PGAM5: variants seen among roughly 807,000 people sequenced by gnomAD.
The protein encoded by PGAM5 is PGAM family member 5, mitochondrial serine/threonine protein phosphatase.
Under a neutral mutation model 30.6 loss-of-function variants are expected in PGAM5, and 25 were observed. That is an observed-to-expected ratio of 0.82 (90% CI 0.60 to 1.14). The LOEUF is 1.14. Among genes scored for constraint, PGAM5 ranks in the 50% most tolerant of loss-of-function variants. PGAM5 has a pLI of 0.00. For missense variants in PGAM5, 384 were observed against 408.5 expected (o/e 0.94, Z 0.52); for synonymous variants, 201 against 179.1 (o/e 1.12, Z -0.98).
chr12:132,714,537 C>T (rs1375420323), intron 1 of PGAM5, among the ~76,000 whole-genome samples: 3 of 152,192 alleles, frequency 2.0e-5, no homozygotes, highest in Non-Finnish European at 2.9e-5. Flanking sequence ...CCTAGCCTGG[C>T]GTTCTCCGTA....
At chr12:132,714,807 T>C (rs767197783) in intron 1 of PGAM5, 51 bp from the exon 2 acceptor site, 15 of 1,584,708 alleles carry the variant, frequency 9.5e-6, no homozygotes, top group Non-Finnish European at 1.3e-5. Context: ...TCAGAAAAAC[T>C]CAAACTTGGG....
intron 4 of PGAM5, 77 bp from the exon 5 acceptor site, chr12:132,717,910 C>T (rs529985907): frequency 4.1e-5 from 66 of 1,599,366 alleles, no homozygotes; most frequent in Non-Finnish European, 5.0e-5. Context: ...CTTCCCCGGG[C>T]GGCGATGGGG....
At chr12:132,716,032 G>A (rs1441161774) in intron 2 of PGAM5, among the ~76,000 whole-genome samples, 2 of 152,106 alleles carry the variant, frequency 1.3e-5, no homozygotes, top group African/African-American at 4.8e-5. Flanking sequence ...TGGACCTGCT[G>A]CCAAAGACGC....
intron 1 of PGAM5, among the ~76,000 whole-genome samples, chr12:132,712,130 T>C (rs1371034991): frequency 1.3e-5 from 2 of 152,324 alleles, no homozygotes; most frequent in South Asian, 2.1e-4. Flanking sequence ...CTAAGCATGG[T>C]GTATATATCA....
chr12:132,717,034 G>A (rs1279585841), intron 2 of PGAM5, among the ~76,000 whole-genome samples: 5 of 152,244 alleles, frequency 3.3e-5, no homozygotes, highest in African/African-American at 4.8e-5. Flanking sequence ...CCGCCATGGC[G>A]CGTGGTTGGG....
intron 3 of PGAM5, 48 bp downstream of exon 3, chr12:132,717,612 G>A (rs756747704): frequency 9.4e-6 from 15 of 1,602,998 alleles, no homozygotes; most frequent in East Asian, 4.5e-5. Flanking sequence ...TGGGCGGCTC[G>A]TGGCAGGGCC....
At chr12:132,712,210 C>G (rs917804025) in intron 1 of PGAM5, among the ~76,000 whole-genome samples, 1 of 152,126 alleles carries the variant, frequency 6.6e-6, no homozygotes, top group Non-Finnish European at 1.5e-5. Context: ...TTACTGTTAA[C>G]TAAGGTTCAT....
chr12:132,720,483 A>C (rs1348018307), intron 5 of PGAM5, among the ~76,000 whole-genome samples, 195 bp from the exon 6 acceptor site: 2 of 151,798 alleles, frequency 1.3e-5, no homozygotes, highest in Non-Finnish European at 2.9e-5. Context: ...AATTTTTTGT[A>C]TTTTTAGTAG....
Position 132,717,779 on chromosome 12 carries a change from AT to A in PGAM5, c.568del (p.Trp190GlyfsTer74), listed in dbSNP as rs2043597026. 16 of 1,588,310 alleles carry A rather than the reference AT, an allele frequency of 1.0e-5. No homozygotes were observed. The highest frequency in any genetic ancestry group is 1.3e-5 in the Non-Finnish European group (15 of 1,167,580). On this transcript the variant is annotated frameshift_variant, in exon 4 of 6. Coordinates refer to ENST00000498926, the MANE Select transcript of PGAM5 (RefSeq NM_001170543.2). LOFTEE classifies it high-confidence loss of function. Reference protein sequence around the residue: ...APIEPDPPVSHWKPEAVQYYE... With the variant: ...APIEPDPPVSXWKPEAVQYYE... ...ATCGAGCCAGACCCGCCCGTGTCTCATTGGAAGCCGGAAGCTGTGGTAAAAA... is the reference window on the plus strand; with the variant it reads ...ATCGAGCCAGACCCGCCCGTGTCTCATGGAAGCCGGAAGCTGTGGTAAAAA...
intron 2 of PGAM5, among the ~76,000 whole-genome samples, chr12:132,716,235 G>A (rs967601584): frequency 1.1e-4 from 17 of 152,008 alleles, no homozygotes; most frequent in African/African-American, 2.7e-4. Context: ...ACAGGCACAC[G>A]CTGCCACTCC....
Position 132,721,869 on chromosome 12 carries a change from C to G in PGAM5, c.*1041C>G, listed in dbSNP as rs2043648216. Reference sequence around the variant, plus strand: ...TCACCCACCTTGGCCTCCCAAAGTGCTGGGATTAAAGGTGTGAGCCATCGT... The same window carrying G: ...TCACCCACCTTGGCCTCCCAAAGTGGTGGGATTAAAGGTGTGAGCCATCGT... On this transcript the variant is annotated 3_prime_UTR_variant, in exon 6 of 6. Coordinates refer to ENST00000498926, the MANE Select transcript of PGAM5 (RefSeq NM_001170543.2). The G allele has an allele frequency of 6.6e-6, 1 of 152,196 alleles. No homozygotes were observed. The highest frequency in any genetic ancestry group is 6.5e-5 in the Admixed American group (1 of 15,270). 9.4% of individuals were successfully genotyped at this position (152,196 alleles called of 1,614,324 possible).
chr12:132,711,223 G>A lies in PGAM5; in HGVS notation c.191+156G>A, dbSNP rs937451764. 17 of 544,420 alleles carry A rather than the reference G, an allele frequency of 3.1e-5. No individual in the cohort carries two copies. In the East Asian group the frequency reaches 5.7e-4, roughly 18 times the overall value. The allele number at this position is 544,420 out of a possible 1,614,324, so 33.7% of individuals were successfully genotyped here. A position where few individuals can be genotyped will look rare whatever the true frequency, so the allele number is the denominator to read the frequency against. On this transcript the variant is annotated intron_variant, in intron 1 of 5. Coordinates refer to ENST00000498926, the MANE Select transcript of PGAM5 (RefSeq NM_001170543.2). ...AGCGGAGGAGCCGCTTTCCGGGGCC[G>A]CTCTGCGCGGAGGGTTCCGGGGGCG...
At chr12:132,717,676 G>A (rs760803476) in intron 3 of PGAM5, 34 bp from the exon 4 acceptor site, 47 of 1,562,528 alleles carry the variant, frequency 3.0e-5, no homozygotes, top group South Asian at 4.6e-5. Flanking sequence ...CGGCGGGGCC[G>A]CCTCACCCAG....
At chr12:132,714,434 G>A (rs2043552079) in intron 1 of PGAM5, among the ~76,000 whole-genome samples, 1 of 152,252 alleles carries the variant, frequency 6.6e-6, no homozygotes. Context: ...GGGCATTGCA[G>A]TTCTAGGCTC....
At chr12:132,717,951 C>T in intron 4 of PGAM5, 36 bp from the exon 5 acceptor site, 1 of 1,610,522 alleles carries the variant, frequency 6.2e-7, no homozygotes, top group Non-Finnish European at 8.5e-7. Flanking sequence ...CCTGCCCGAG[C>T]ACTTCCGCAC....
At chr12:132,715,804 G>C (rs2043571120) in intron 2 of PGAM5, among the ~76,000 whole-genome samples, 1 of 151,748 alleles carries the variant, frequency 6.6e-6, no homozygotes, top group African/African-American at 2.4e-5. Context: ...GCTTGACCCT[G>C]GGAGGTGGAG....
chr12:132,720,280 T>G (rs2136088355), intron 5 of PGAM5, among the ~76,000 whole-genome samples: 1 of 149,072 alleles, frequency 6.7e-6, no homozygotes, highest in East Asian at 2.0e-4. Context: ...CAGCCTCTTT[T>G]AAGGACAGAG....
chr12:132,714,776 C>A, intron 1 of PGAM5, 82 bp from the exon 2 acceptor site: 1 of 1,500,702 alleles, frequency 6.7e-7, no homozygotes, highest in Non-Finnish European at 9.1e-7. Flanking sequence ...AATAGTCTGA[C>A]AATTTGGAAA....
Position 132,714,960 on chromosome 12 carries a change from G to C in PGAM5, c.294G>C (p.Arg98=). 6.2e-7 allele frequency: 1 copy of C among 1,613,576 alleles called. No homozygotes were observed. The highest frequency in any genetic ancestry group is 1.1e-5 in the South Asian group (1 of 91,088). Residue 98 remains arginine (R), a synonymous_variant, in exon 2 of 6, where the codon CGG becomes CGC. Transcript: ENST00000498926. ...KLDHYKAKAT[R]HIFLIRHSQY... ...ACCACTACAAAGCCAAGGCCACGCG[G>C]CACATCTTCCTCATCAGGCATTCCC...
Sources: allele counts gnomAD v4.1 joint callset (sites outside exome capture counted in the v4.1 genomes callset), GRCh38; gene constraint gnomAD v4.1.1; transcripts MANE v1.5; gene names NCBI Gene and HGNC (gene_info 2026-07-23, HGNC 2026-07-21).